CA10: variants seen among roughly 807,000 people sequenced by gnomAD.
CA10 encodes carbonic anhydrase 10 (inactive), also known as carbonic anhydrase-related protein 10.
A neutral mutation model predicts 44.2 loss-of-function variants in CA10; 14 were observed. That is an observed-to-expected ratio of 0.32 (90% confidence interval 0.21 to 0.50). The LOEUF (loss-of-function observed/expected upper bound fraction) is 0.50. Ranked by LOEUF, CA10 falls within the 20% of genes least tolerant of loss-of-function variation. The pLI is 0.99. For synonymous variants in CA10, 159 were observed against 141.6 expected, an observed-to-expected ratio of 1.12 and a Z score of -0.87; for missense variants, 350 against 409.7, an observed-to-expected ratio of 0.85 and a Z score of 1.26.
At chr17:51,835,616 T>G (rs1199837231) in intron 3 of CA10, among the ~76,000 whole-genome samples, 4 of 152,196 alleles carry the variant, frequency 2.6e-5, no homozygotes, top group Non-Finnish European at 5.9e-5. Context: ...AACATTCACA[T>G]TGTACCTCCT....
chr17:51,785,326 A>G (rs556083820), intron 3 of CA10, among the ~76,000 whole-genome samples: 1 of 152,340 alleles, frequency 6.6e-6, no homozygotes, highest in South Asian at 2.1e-4. Context: ...TCTATAGGAA[A>G]AAATGTAATC....
At chr17:51,868,315 T>C (rs1979643641) in intron 3 of CA10, among the ~76,000 whole-genome samples, 1 of 152,190 alleles carries the variant, frequency 6.6e-6, no homozygotes, top group Non-Finnish European at 1.5e-5. Flanking sequence ...AATGCTCAAA[T>C]TATTTTTACT....
At chr17:52,060,849 T>C (rs1987364161) in intron 2 of CA10, among the ~76,000 whole-genome samples, 1 of 152,208 alleles carries the variant, frequency 6.6e-6, no homozygotes. Flanking sequence ...ATAAACCTGC[T>C]TCTACGTTGA....
chr17:51,734,054 G>A (rs1028843065), intron 4 of CA10, among the ~76,000 whole-genome samples: 2 of 73,146 alleles, frequency 2.7e-5, no homozygotes, highest in African/African-American at 8.9e-5. Context: ...GACAAGAAAA[G>A]GTCGCAGATC....
At chr17:52,139,839 G>A (rs1200792710) in intron 1 of CA10, among the ~76,000 whole-genome samples, 1 of 152,094 alleles carries the variant, frequency 6.6e-6, no homozygotes, top group Non-Finnish European at 1.5e-5. Flanking sequence ...ATAATAAATG[G>A]ACAGCACTTT....
intron 1 of CA10, among the ~76,000 whole-genome samples, chr17:52,115,068 C>T (rs1276907571): frequency 2.0e-5 from 3 of 152,204 alleles, no homozygotes; most frequent in African/African-American, 7.2e-5. Context: ...CTTTCCTGGG[C>T]ATGCCCACAT....
chr17:51,713,577 G>T (rs1182968036), intron 4 of CA10, among the ~76,000 whole-genome samples: 1 of 152,116 alleles, frequency 6.6e-6, no homozygotes, highest in African/African-American at 2.4e-5. Flanking sequence ...CTAATCACTA[G>T]GCTTACTTAC....
chr17:52,025,300 G>T (rs887264602), intron 2 of CA10, among the ~76,000 whole-genome samples: 8 of 151,992 alleles, frequency 5.3e-5, no homozygotes, highest in Non-Finnish European at 8.8e-5. Context: ...CTCCACCTGG[G>T]TTCTACTCCA....
At chr17:51,685,991 G>A (rs201114141) in intron 4 of CA10, among the ~76,000 whole-genome samples, 1 of 151,372 alleles carries the variant, frequency 6.6e-6, no homozygotes, top group Admixed American at 6.6e-5. Context: ...GGGCTAACAC[G>A]GTTTGGCTGT....
rs1256664705 is a variant in CA10, at chr17:51,849,145, T to TTATATATATACATATATGTA, written c.279+81825_279+81844dup. The stretch of plus-strand genomic sequence containing the variant: ...TATATAAATATAAAAACTTAGTTTT[T>TTATATATATACATATATGTA]TATATATATACATATATGTATATAT... On this transcript the variant is annotated intron_variant, in intron 3 of 8. Coordinates refer to ENST00000451037, the MANE Select transcript of CA10 (RefSeq NM_020178.5). Among the ~76,000 whole-genome samples, 133 of 127,910 alleles carry TTATATATATACATATATGTA rather than the reference T, an allele frequency of 1.0e-3. 2 individuals are homozygous for TTATATATATACATATATGTA. The highest frequency in any genetic ancestry group is 4.6e-3 in the East Asian group (21 of 4,586). 83.9% of individuals were successfully genotyped at this position (127,910 alleles called of 152,430 possible). A position where few individuals can be genotyped will look rare whatever the true frequency, so the allele number is the denominator to read the frequency against.
chr17:51,757,209 T>C (rs1333129330), intron 3 of CA10, among the ~76,000 whole-genome samples: 3 of 152,272 alleles, frequency 2.0e-5, no homozygotes, highest in African/African-American at 7.2e-5. Context: ...AAGGGCTGAT[T>C]TGTAAAGAGT....
intron 2 of CA10, among the ~76,000 whole-genome samples, chr17:52,062,797 C>T (rs931789772): frequency 3.3e-5 from 5 of 152,214 alleles, no homozygotes; most frequent in African/African-American, 1.2e-4. Flanking sequence ...GGTGCCCAGG[C>T]AGAAGCCTTC....
chr17:52,083,850 T>C (rs1699244847), intron 1 of CA10, among the ~76,000 whole-genome samples: 1 of 152,226 alleles, frequency 6.6e-6, no homozygotes, highest in Non-Finnish European at 1.5e-5. Context: ...TCTTTGCTAT[T>C]GTGAACAGTA....
At chr17:52,115,793 G>A (rs1988883116) in intron 1 of CA10, among the ~76,000 whole-genome samples, 1 of 152,194 alleles carries the variant, frequency 6.6e-6, no homozygotes, top group Non-Finnish European at 1.5e-5. Flanking sequence ...CAGTCCAACA[G>A]CAATTAAAAG....
intron 2 of CA10, among the ~76,000 whole-genome samples, chr17:52,014,016 A>G (rs550616512): frequency 6.6e-6 from 1 of 152,114 alleles, no homozygotes; most frequent in East Asian, 1.9e-4. Flanking sequence ...AAATCATGAC[A>G]AACAAAAATA....
At chr17:51,654,750 G>A (rs1275165291) in intron 4 of CA10, among the ~76,000 whole-genome samples, 1 of 152,054 alleles carries the variant, frequency 6.6e-6, no homozygotes, top group Non-Finnish European at 1.5e-5. Context: ...TAGAGACGGG[G>A]TTTCACCATG....
At chr17:51,759,198 A>G (rs1905152623) in intron 3 of CA10, among the ~76,000 whole-genome samples, 1 of 151,950 alleles carries the variant, frequency 6.6e-6, no homozygotes, top group Non-Finnish European at 1.5e-5. Flanking sequence ...TCTTATGCCA[A>G]CTGGATAAAG....
chr17:51,817,972 A>C (rs1287267821), intron 3 of CA10, among the ~76,000 whole-genome samples: 1 of 152,222 alleles, frequency 6.6e-6, no homozygotes, highest in African/African-American at 2.4e-5. Flanking sequence ...ATACAACCCA[A>C]CATTGCTTTC....
At chr17:51,934,508 T>C (rs1407699202) in intron 2 of CA10, among the ~76,000 whole-genome samples, 1 of 152,130 alleles carries the variant, frequency 6.6e-6, no homozygotes, top group Non-Finnish European at 1.5e-5. Context: ...AATTTTCCAG[T>C]TAAAATAAAT....
Sources: allele counts gnomAD v4.1 joint callset (sites outside exome capture counted in the v4.1 genomes callset), GRCh38; gene constraint gnomAD v4.1.1; transcripts MANE v1.5; gene names NCBI Gene and HGNC (gene_info 2026-07-23, HGNC 2026-07-21).